Variants in LRP8 observed in about 807,000 individuals in gnomAD.
LRP8 encodes low-density lipoprotein receptor-related protein 8.
Under a neutral mutation model 111.6 loss-of-function variants are expected in LRP8, and 46 were observed. The ratio of observed to expected loss-of-function variants is 0.41; its 90% CI spans 0.33 to 0.53. LRP8 has a LOEUF of 0.53. LRP8 is among the 20% of genes least tolerant of loss of function. The pLI is 0.20. For missense variants in LRP8, 959 were observed against 1,297.4 expected (o/e 0.74, Z 4.01); for synonymous variants, 464 against 511.2 (o/e 0.91, Z 1.24).
intron 2 of LRP8, among the ~76,000 whole-genome samples, chr1:53,298,948 G>A (rs575785156): frequency 2.0e-5 from 3 of 152,346 alleles, no homozygotes; most frequent in East Asian, 1.9e-4. Flanking sequence ...CCACCAACAC[G>A]CTGTGTGACA....
chr1:53,323,778 G>C (rs1480734813), intron 2 of LRP8, among the ~76,000 whole-genome samples: 2 of 152,220 alleles, frequency 1.3e-5, no homozygotes, highest in African/African-American at 4.8e-5. Context: ...TGTGACTTTG[G>C]GGGAGTCACT....
At chr1:53,314,085 C>G (rs996970291) in intron 2 of LRP8, among the ~76,000 whole-genome samples, 1 of 152,286 alleles carries the variant, frequency 6.6e-6, no homozygotes, top group African/African-American at 2.4e-5. Flanking sequence ...TGATGACTCC[C>G]AGGTTCCTGC....
rs376057648 is a variant in LRP8, at chr1:53,321,163, G to A, written c.244+5710C>T. On this transcript the variant is annotated intron_variant, in intron 2 of 18. Transcript: ENST00000306052. ...CTGCCCAGCACAAGGCTGGCGGAGT[G>A]CACAATGTTGAGAAGGATCTGCAAC... 6.6e-5 allele frequency among the ~76,000 whole-genome samples: 10 copies of A among 152,340 alleles called. No individual in the cohort carries two copies. In the East Asian group the frequency reaches 1.2e-3, roughly 18 times the overall value.
At position 53,275,371 on chromosome 1, in the gene LRP8, G is replaced by T. The variant is rs1000797450; in HGVS notation, c.1006+260C>A. On this transcript the variant is annotated intron_variant, in intron 6 of 18. Coordinates refer to ENST00000306052, the MANE Select transcript of LRP8 (RefSeq NM_004631.5). This position sits in a 1 kb window ranked among gnomAD's most constrained non-coding sequence, Gnocchi z 4.4. ...CTCACCAGCTGGGACCTGGACAAGT[G>T]GTGGGGGCTGGACTTCCCAAGTGCT... 6.6e-6 allele frequency among the ~76,000 whole-genome samples: 1 copy of T among 152,184 alleles called. No individual in the cohort carries two copies. Among genetic ancestry groups the T allele is most frequent in the Non-Finnish European group, 1.5e-5 (1 of 68,024 alleles).
At chr1:53,247,349 AAAG>A (rs1455454231) in intron 18 of LRP8, among the ~76,000 whole-genome samples, 2 of 152,206 alleles carry the variant, frequency 1.3e-5, no homozygotes, top group African/African-American at 2.4e-5. Flanking sequence ...GTATCTTTGT[AAAG>A]AAGAGTTGCA....
In LRP8 at chr1:53,318,697, C is replaced by G. The variant is rs546528952; in HGVS notation, c.244+8176G>C. Among the ~76,000 whole-genome samples the G allele has an allele frequency of 1.1e-4, 17 of 152,242 alleles. 1 individual carries two copies. In the South Asian group the frequency reaches 3.5e-3, roughly 32 times the overall value. ...GAAGATCCACACAATACAATACTAT[C>G]TAGCCCTTTAAAACAAGGATGTGAA... is the stretch of plus-strand genomic sequence containing the variant. On this transcript the variant is annotated intron_variant, in intron 2 of 18. Transcript: ENST00000306052.
Position 53,249,878 on chromosome 1 carries a change from G to A in LRP8, c.2677-322C>T, listed in dbSNP as rs959789000. Among the ~76,000 whole-genome samples, 1 of 152,176 alleles carries A rather than the reference G, an allele frequency of 6.6e-6. No individual in the cohort carries two copies. Among genetic ancestry groups the A allele is most frequent in the African/African-American group, 2.4e-5 (1 of 41,412 alleles). On this transcript the variant is annotated intron_variant, in intron 17 of 18. Coordinates refer to ENST00000306052, the MANE Select transcript of LRP8 (RefSeq NM_004631.5). The surrounding 1 kb of genome is among the most constrained non-coding windows in gnomAD (Gnocchi z 4.1). ...CATGGCATCTGTTCAACAAATATTT[G>A]TTGGGAGTCAGCCATGCCGTGCTAG...
chr1:53,281,198 T>C (rs1251690903), intron 3 of LRP8, among the ~76,000 whole-genome samples: 3 of 152,136 alleles, frequency 2.0e-5, no homozygotes, highest in Non-Finnish European at 4.4e-5. Flanking sequence ...CCCCAACGGC[T>C]CCAATCGGCC....
chr1:53,325,128 C>G (rs2100555807), intron 2 of LRP8, among the ~76,000 whole-genome samples: 1 of 152,332 alleles, frequency 6.6e-6, no homozygotes, highest in Middle Eastern at 3.4e-3. Context: ...GAACAACTCC[C>G]AGTGAGGAAA....
Position 53,276,712 on chromosome 1 carries a change from T to C in LRP8, c.863A>G (p.Lys288Arg), listed in dbSNP as rs1480897898. ...CTTACGGCAGTCGGCCTCGTCCGAT[T>C]TGTCTTTGCAGTCGCGGTCGCCGTC... is the stretch of plus-strand genomic sequence containing the variant. ...RCDGDRDCKD[K>R]SDEADCPLGT... The change falls in exon 5 of 19, where the codon AAA (lysine) becomes AGA (arginine). Residue 288 changes from lysine (K) to arginine (R), a missense_variant. Around this residue, in one of 3 missense-constraint regions of LRP8, gnomAD observed 819 missense variants for 1,097.6 expected, o/e 0.75. Coordinates refer to ENST00000306052, the MANE Select transcript of LRP8 (RefSeq NM_004631.5). 6.5e-7 allele frequency: 1 copy of C among 1,538,128 alleles called. No homozygotes were observed. The highest frequency in any genetic ancestry group is 8.7e-7 in the Non-Finnish European group (1 of 1,145,956).
At position 53,276,685 on chromosome 1, in the gene LRP8, G is replaced by T; in HGVS notation, c.883+7C>A. On this transcript the variant is annotated splice_region_variant and intron_variant, in intron 5 of 18. Coordinates refer to ENST00000306052, the MANE Select transcript of LRP8 (RefSeq NM_004631.5). The stretch of plus-strand genomic sequence containing the variant: ...GGGCGGGGCTGGGCGGTATGGAGGG[G>T]GCTTACGGCAGTCGGCCTCGTCCGA... The T allele has an allele frequency of 6.5e-7, 1 of 1,538,932 alleles. No homozygotes were observed. The highest frequency in any genetic ancestry group is 2.5e-5 in the East Asian group (1 of 39,786).
intron 2 of LRP8, among the ~76,000 whole-genome samples, chr1:53,322,209 G>T (rs1372583634): frequency 1.3e-5 from 2 of 151,948 alleles, no homozygotes; most frequent in African/African-American, 4.8e-5. Context: ...CGAAAAGGAG[G>T]GCCTAGTATC....
chr1:53,274,819 C>A (rs1479264326), intron 6 of LRP8: 4 of 456,322 alleles, frequency 8.8e-6, no homozygotes, highest in Admixed American at 4.7e-5. Flanking sequence ...CACAGGGTGA[C>A]TCTGTTGGGC....
At chr1:53,297,751 C>A (rs1650028482) in intron 2 of LRP8, among the ~76,000 whole-genome samples, 1 of 152,176 alleles carries the variant, frequency 6.6e-6, no homozygotes, top group Non-Finnish European at 1.5e-5. Flanking sequence ...TCTCCTCCAA[C>A]CCATTCCACT....
At chr1:53,273,827 G>A (rs1457871290) in intron 6 of LRP8, among the ~76,000 whole-genome samples, 1 of 152,148 alleles carries the variant, frequency 6.6e-6, no homozygotes, top group Non-Finnish European at 1.5e-5. Flanking sequence ...TCAGGAGGAT[G>A]AACCTCCTCT....
chr1:53,249,479 A>G lies in LRP8; in HGVS notation c.2754T>C (p.Pro918=). 1 of 1,613,888 alleles carries G rather than the reference A, an allele frequency of 6.2e-7. No individual in the cohort carries two copies. Among genetic ancestry groups the G allele is most frequent in the Non-Finnish European group, 8.5e-7 (1 of 1,179,750 alleles). The change falls in exon 18 of 19, where the codon CCT becomes CCC. Residue 918 remains proline (P), a synonymous_variant. Coordinates refer to ENST00000306052, the MANE Select transcript of LRP8 (RefSeq NM_004631.5). This position sits in a 1 kb window ranked among gnomAD's most constrained non-coding sequence, Gnocchi z 4.1. ...GCAAGACAAAAAGCTCCTTGAGGGC[A>G]GGGGCTGGGTCTTCCGGTTCTCTGG... is the stretch of plus-strand genomic sequence containing the variant. ...GETREPEDPA[P]ALKELFVLPG...
intron 4 of LRP8, among the ~76,000 whole-genome samples, chr1:53,277,819 G>C (rs1646977060): frequency 6.6e-6 from 1 of 152,230 alleles, no homozygotes; most frequent in African/African-American, 2.4e-5. Context: ...AGGCGTCTGA[G>C]TTTCATGTCC....
chr1:53,278,688 C>G (rs1395985166), intron 4 of LRP8, among the ~76,000 whole-genome samples: 1 of 152,020 alleles, frequency 6.6e-6, no homozygotes, highest in Non-Finnish European at 1.5e-5. Context: ...CCTGCCTGTC[C>G]CCACCCAACT....
chr1:53,262,196 G>T lies in LRP8; in HGVS notation c.1786C>A (p.Gln596Lys). 6.2e-7 allele frequency: 1 copy of T among 1,613,340 alleles called. No homozygotes were observed. The highest frequency in any genetic ancestry group is 8.5e-7 in the Non-Finnish European group (1 of 1,179,966). Residue 596 changes from glutamine to lysine, a missense_variant, in exon 12 of 19, where the codon CAG (glutamine) becomes AAG (lysine). Gln to Lys is a moderately conservative substitution (Grantham distance 53, BLOSUM62 1). Coordinates refer to ENST00000306052, the MANE Select transcript of LRP8 (RefSeq NM_004631.5). This position sits in a 1 kb window ranked among gnomAD's most constrained non-coding sequence, Gnocchi z 4.8. ...TTGGAGTCTACCCAGTACAAGCGCT[G>T]GCTCAGCAGATCTTGGGAAGGAAGC... ...PNGITLDLLS[Q>K]RLYWVDSKLH...
Sources: allele counts gnomAD v4.1 joint callset (sites outside exome capture counted in the v4.1 genomes callset), GRCh38; gene constraint gnomAD v4.1.1; regional missense constraint gnomAD v4.1.1; non-coding constraint Gnocchi (gnomAD v3.1); transcripts MANE v1.5; gene names NCBI Gene and HGNC (gene_info 2026-07-23, HGNC 2026-07-21).